The following NEU4 variants were observed in gnomAD, a reference collection of about 807,000 sequenced individuals.
NEU4 encodes sialidase-4.
Under a neutral mutation model 9.9 loss-of-function variants are expected in NEU4, and 7 were observed. The ratio of observed to expected loss-of-function variants is 0.71; its 90% CI spans 0.40 to 1.33. The LOEUF is 1.33. NEU4 is among the 40% of genes most tolerant of loss of function. NEU4 has a pLI of 0.01. For missense variants in NEU4, 717 were observed against 712.6 expected (o/e 1.01, Z -0.07); for synonymous variants, 348 against 316.9 (o/e 1.10, Z -1.04).
At chr2:241,811,492 C>T (rs757770678) in intron 1 of NEU4, 6 of 1,504,256 alleles carry the variant, frequency 4.0e-6, no homozygotes, top group Non-Finnish European at 5.4e-6. Context: ...CCCCCAGCAC[C>T]CTCACCCCTC....
At chr2:241,815,609 T>G in intron 3 of NEU4, 1 of 478,554 alleles carries the variant, frequency 2.1e-6, no homozygotes, top group Non-Finnish European at 4.2e-6. Context: ...CACCCCTTCC[T>G]CTTATTCTTT....
chr2:241,809,281 T>C lies in NEU4; in HGVS notation c.-4+7T>C. On this transcript the variant is annotated splice_region_variant and intron_variant, in intron 1 of 3. Coordinates refer to ENST00000407683, the MANE Select transcript of NEU4 (RefSeq NM_001167600.3). ...TTGGCGGGAACTGAAACTGGTACGG[T>C]CTTTTTGAATAGAAATTTGGGGTCT... 2 of 1,286,410 alleles carry C rather than the reference T, an allele frequency of 1.6e-6. No homozygotes were observed. The highest frequency in any genetic ancestry group is 2.0e-6 in the Non-Finnish European group (2 of 986,260). 79.7% of individuals were successfully genotyped at this position (1,286,410 alleles called of 1,614,324 possible).
chr2:241,810,350 C>A (rs1001386039), intron 1 of NEU4: 1 of 148,754 alleles, frequency 6.7e-6, no homozygotes, highest in Non-Finnish European at 1.5e-5. Context: ...TGGGGCCCAC[C>A]CCTCCTGCTT....
chr2:241,815,062 C>T lies in NEU4; in HGVS notation c.372C>T (p.Leu124=), dbSNP rs780159078. ...QIATGRNAAR[L]CCVASRDAGL... ...CCACGGGAAGGAACGCCGCGCGCCT[C>T]TGCTGTGTGGCCAGCCGTGACGCCG... The change falls in exon 3 of 4, where the codon CTC becomes CTT. Residue 124 remains leucine, a synonymous_variant. Coordinates refer to ENST00000407683, the MANE Select transcript of NEU4 (RefSeq NM_001167600.3). 37 of 1,585,844 alleles carry T rather than the reference C, an allele frequency of 2.3e-5. No homozygotes were observed. The African/African-American group carries it at 5.0e-4, about 21-fold the overall frequency.
At position 241,816,290 on chromosome 2, in the gene NEU4, G is replaced by A. The variant is rs1700336109; in HGVS notation, c.697G>A (p.Ala233Thr). 2 of 1,577,314 alleles carry A rather than the reference G, an allele frequency of 1.3e-6. No homozygotes were observed. The highest frequency in any genetic ancestry group is 4.7e-5 in the East Asian group (2 of 42,650). ...GCTGGCAGCGGTGGACGGTGGGCAG[G>A]CCGGCAGCTTCCTCTACTGCAATGC... ...CQLAAVDGGQ[A>T]GSFLYCNARS... The change falls in exon 4 of 4, where the codon GCC becomes ACC. Residue 233 changes from alanine to threonine, a missense_variant. Ala to Thr is a moderately conservative substitution (Grantham distance 58). Coordinates refer to ENST00000407683, the MANE Select transcript of NEU4 (RefSeq NM_001167600.3).
chr2:241,814,389 A>G, intron 1 of NEU4, 93 bp from the exon 2 acceptor site: 1 of 1,241,404 alleles, frequency 8.1e-7, no homozygotes. Flanking sequence ...AGCTGTCTGC[A>G]CCTCCTGAGC....
Position 241,816,371 on chromosome 2 carries a change from T to A in NEU4, c.778T>A (p.Phe260Ile), listed in dbSNP as rs1205183492. ...GCTCAGCACTGACGAGGGCACCTCCTTCCTGCCCGCAGAGCGCGTGGCTTC... is the reference window on the plus strand; with the variant it reads ...GCTCAGCACTGACGAGGGCACCTCCATCCTGCCCGCAGAGCGCGTGGCTTC... ...QALSTDEGTS[F>I]LPAERVASLP... The change falls in exon 4 of 4, where the codon TTC becomes ATC. Residue 260 changes from phenylalanine to isoleucine, a missense_variant. Coordinates refer to ENST00000407683, the MANE Select transcript of NEU4 (RefSeq NM_001167600.3). 2 of 1,592,894 alleles carry A rather than the reference T, an allele frequency of 1.3e-6. No individual in the cohort carries two copies.
rs138520192 is a variant in NEU4, at chr2:241,816,934, T to C, written c.1341T>C (p.Tyr447=). 2.3e-5 allele frequency: 37 copies of C among 1,612,714 alleles called. No homozygotes were observed. The highest frequency in any genetic ancestry group is 1.8e-4 in the Admixed American group (11 of 59,980). ...CLYESGARTS[Y]DEISFCTFSL... ...ACGAGAGCGGGGCCAGGACCTCCTA[T>C]GATGAGATTTCCTTTTGTACATTCT... The change falls in exon 4 of 4, where the codon TAT becomes TAC. Residue 447 remains tyrosine (Y), a synonymous_variant. Transcript: ENST00000407683.
chr2:241,815,843 C>CT (rs1304183500), intron 3 of NEU4: 2 of 612,506 alleles, frequency 3.3e-6, no homozygotes, highest in East Asian at 5.5e-5. Flanking sequence ...TGCCGTCCAC[C>CT]TGGGCTCGGC....
chr2:241,809,388 G>A (rs529139302), intron 1 of NEU4, 114 bp downstream of exon 1: 20 of 500,624 alleles, frequency 4.0e-5, no homozygotes, highest in East Asian at 1.4e-4. Context: ...GAGAAGGGGC[G>A]GTTAAAATGC....
chr2:241,817,033 C>T lies in NEU4; in HGVS notation c.1440C>T (p.Cys480=). 1 of 1,591,988 alleles carries T rather than the reference C, an allele frequency of 6.3e-7. No individual in the cohort carries two copies. Among genetic ancestry groups the T allele is most frequent in the Non-Finnish European group, 8.5e-7 (1 of 1,170,078 alleles). Residue 480 remains cysteine (C), a synonymous_variant, in exon 4 of 4, where the codon TGC becomes TGT. Coordinates refer to ENST00000407683, the MANE Select transcript of NEU4 (RefSeq NM_001167600.3). ...PPNLGDKPRG[C]CWPS ...ACCTTGGGGACAAGCCTCGGGGGTG[C>T]TGCTGGCCCTCCTGACAGGCCTTCT...
intron 1 of NEU4, chr2:241,809,495 C>T (rs1022802411): frequency 2.9e-6 from 1 of 342,582 alleles, no homozygotes; most frequent in Admixed American, 4.2e-5. Flanking sequence ...ATGCTGGGGT[C>T]AGCGTGGCCC....
At chr2:241,814,314 G>C (rs1700227595) in intron 1 of NEU4, 168 bp from the exon 2 acceptor site, 1 of 650,096 alleles carries the variant, frequency 1.5e-6, no homozygotes, top group Non-Finnish European at 2.7e-6. Context: ...CAGATCTGGG[G>C]TGAGGGAGTC....
chr2:241,814,360 A>G (rs1042457053), intron 1 of NEU4, 122 bp from the exon 2 acceptor site: 8 of 896,944 alleles, frequency 8.9e-6, no homozygotes, highest in Non-Finnish European at 1.4e-5. Flanking sequence ...GTACAGGAAG[A>G]GGCCCAGGTG....
intron 1 of NEU4, chr2:241,811,505 C>T: frequency 6.9e-7 from 1 of 1,451,354 alleles, no homozygotes; most frequent in Non-Finnish European, 9.2e-7. Flanking sequence ...CACCCCTCTA[C>T]CCGGGCGCCC....
rs141297986 is a variant in NEU4 at position 241,816,168 on chromosome 2, G to C, written c.575G>C (p.Arg192Pro). Residue 192 changes from arginine (R) to proline (P), a missense_variant, in exon 4 of 4, where the codon CGG becomes CCG. By Grantham distance (103) the Arg-to-Pro change is moderately radical (BLOSUM62 -2). Transcript: ENST00000407683. Reference sequence around the variant, plus strand: ...CGAGAGTGTTTTGGCAAGATCTGCCGGACCAGCCCTCACTCCTTCGCCTTC... The same window carrying C: ...CGAGAGTGTTTTGGCAAGATCTGCCCGACCAGCCCTCACTCCTTCGCCTTC... ...DRRECFGKIC[R>P]TSPHSFAFYS... 65 of 1,612,408 alleles carry C rather than the reference G, an allele frequency of 4.0e-5. No homozygotes were observed. Among genetic ancestry groups the C allele is most frequent in the African/African-American group, 3.3e-4 (25 of 74,922 alleles).
chr2:241,816,572 G>C lies in NEU4; in HGVS notation c.979G>C (p.Gly327Arg). 2 of 1,606,556 alleles carry C rather than the reference G, an allele frequency of 1.2e-6. No individual in the cohort carries two copies. The highest frequency in any genetic ancestry group is 1.7e-6 in the Non-Finnish European group (2 of 1,177,312). ...PEEAAVDPRG[G>R]QVPGGPFSRL... ...GGAGGCTGCTGTAGACCCCCGTGGA[G>C]GCCAGGTGCCTGGTGGGCCCTTCAG... The change falls in exon 4 of 4, where the codon GGC becomes CGC. Residue 327 changes from glycine to arginine, a missense_variant. Gly to Arg is a moderately radical substitution (Grantham distance 125). Transcript: ENST00000407683.
At position 241,816,273 on chromosome 2, in the gene NEU4, C is replaced by T. The variant is rs374258246; in HGVS notation, c.680C>T (p.Ala227Val). 1.6e-5 allele frequency: 25 copies of T among 1,585,878 alleles called. No homozygotes were observed. The highest frequency in any genetic ancestry group is 4.6e-5 in the South Asian group (4 of 87,420). ...CGCTCAGGCGAGTGCCAGCTGGCAGCGGTGGACGGTGGGCAGGCCGGCAGC... is the reference window on the plus strand; with the variant it reads ...CGCTCAGGCGAGTGCCAGCTGGCAGTGGTGGACGGTGGGCAGGCCGGCAGC... ...NLRSGECQLA[A>V]VDGGQAGSFL... Residue 227 changes from alanine to valine, a missense_variant, in exon 4 of 4, where the codon GCG (alanine) becomes GTG (valine). Coordinates refer to ENST00000407683, the MANE Select transcript of NEU4 (RefSeq NM_001167600.3).
At chr2:241,813,128 A>T (rs1700183286) in intron 1 of NEU4, among the ~76,000 whole-genome samples, 1 of 152,074 alleles carries the variant, frequency 6.6e-6, no homozygotes, top group African/African-American at 2.4e-5. Flanking sequence ...AGGTGGCTGG[A>T]GGTGGAGCTG....
Sources: allele counts gnomAD v4.1 joint callset (sites outside exome capture counted in the v4.1 genomes callset), GRCh38; gene constraint gnomAD v4.1.1; transcripts MANE v1.5; gene names NCBI Gene and HGNC (gene_info 2026-07-23, HGNC 2026-07-21).